The following SCAMP4 variants were observed in gnomAD, a reference collection of about 807,000 sequenced individuals.
The protein encoded by SCAMP4 is secretory carrier membrane protein 4.
A neutral mutation model predicts 32.1 loss-of-function variants in SCAMP4; 19 were observed. The ratio of observed to expected loss-of-function variants is 0.59; its 90% CI spans 0.41 to 0.87. The LOEUF is 0.87. SCAMP4 is among the 40% of genes least tolerant of loss of function. The probability of loss-of-function intolerance (pLI) is 0.00; values close to 1 mark genes in which losing one functional copy is unlikely to be tolerated. For synonymous variants in SCAMP4, 152 were observed against 132.7 expected, an observed-to-expected ratio of 1.15 and a Z score of -1.00; for missense variants, 302 against 309.0, an observed-to-expected ratio of 0.98 and a Z score of 0.17.
At chr19:1,922,801 G>C (rs1213429463) in intron 5 of SCAMP4, 1 of 1,149,738 alleles carries the variant, frequency 8.7e-7, no homozygotes, top group East Asian at 5.0e-5. Flanking sequence ...ATGGTGAAGG[G>C]ATAAGGTTGT....
rs891045166 is a variant in SCAMP4, at chr19:1,908,614, A to G, written c.-42+3175A>G. The G allele has an allele frequency of 4.3e-6, 2 of 470,310 alleles. No homozygotes were observed. Among genetic ancestry groups the G allele is most frequent in the African/African-American group, 4.0e-5 (2 of 50,064 alleles). 29.1% of individuals were successfully genotyped at this position (470,310 alleles called of 1,614,324 possible). ...ACCATCTGAGGCAGTACTGTCTGCTAGAAATAACTGTGAGCACACAGGTAG... is the reference window on the plus strand; with the variant it reads ...ACCATCTGAGGCAGTACTGTCTGCTGGAAATAACTGTGAGCACACAGGTAG... On this transcript the variant is annotated intron_variant, in intron 1 of 6. Coordinates refer to ENST00000316097, the MANE Select transcript of SCAMP4 (RefSeq NM_079834.4). The surrounding 1 kb of genome is among the most constrained non-coding windows in gnomAD (Gnocchi z 4.2).
chr19:1,910,372 G>C (rs961165428), intron 1 of SCAMP4, among the ~76,000 whole-genome samples: 19 of 152,212 alleles, frequency 1.2e-4, no homozygotes, highest in Admixed American at 6.5e-4. Context: ...CCCCGCTTCT[G>C]CTTCCAGGCT....
At chr19:1,919,258 C>T in intron 5 of SCAMP4, 1 of 1,318,890 alleles carries the variant, frequency 7.6e-7, no homozygotes, top group Non-Finnish European at 9.7e-7. Flanking sequence ...CTCGCCAGCG[C>T]CCAGCCAGGC....
chr19:1,908,246 T>A lies in SCAMP4; in HGVS notation c.-42+2807T>A. The A allele has an allele frequency of 7.0e-6, 2 of 285,472 alleles. No individual in the cohort carries two copies. The highest frequency in any genetic ancestry group is 2.8e-5 in the South Asian group (1 of 35,496). The allele number at this position is 285,472 out of a possible 1,614,324, so 17.7% of individuals were successfully genotyped here. On this transcript the variant is annotated intron_variant, in intron 1 of 6. Coordinates refer to ENST00000316097, the MANE Select transcript of SCAMP4 (RefSeq NM_079834.4). The surrounding 1 kb of genome is among the most constrained non-coding windows in gnomAD (Gnocchi z 4.2). The stretch of plus-strand genomic sequence containing the variant: ...GCAGCACCTGGCGCTGCCTCCGCGC[T>A]TCCTGCTCCCGGCTCCCACTGCATC...
At chr19:1,918,360 G>A (rs1018434762) in intron 4 of SCAMP4, 77 bp downstream of exon 4, 27 of 1,401,078 alleles carry the variant, frequency 1.9e-5, no homozygotes, top group African/African-American at 1.3e-4. Flanking sequence ...CAGCCCAGCT[G>A]TGAGGAGCTG....
intron 6 of SCAMP4, 61 bp downstream of exon 6, chr19:1,923,248 A>C: frequency 4.3e-6 from 6 of 1,398,626 alleles, no homozygotes; most frequent in Non-Finnish European, 5.8e-6. Flanking sequence ...TCGTCACCCA[A>C]CTGTCCCAGG....
Position 1,912,808 on chromosome 19 carries a change from G to A in SCAMP4, c.-41-2171G>A, listed in dbSNP as rs556568423. On this transcript the variant is annotated intron_variant, in intron 1 of 6. Transcript: ENST00000316097. The stretch of plus-strand genomic sequence containing the variant: ...GACCTCGTGGCGCGCGGCCAGGGCC[G>A]CGGCACCTACGACTTCAGACCCTTC... 5.5e-4 allele frequency: 863 copies of A among 1,581,240 alleles called. 10 individuals are homozygous for A. The South Asian group carries it at 9.1e-3, about 17-fold the overall frequency.
At chr19:1,912,633 G>A (rs1344431041) in intron 1 of SCAMP4, 1 of 1,438,442 alleles carries the variant, frequency 7.0e-7, no homozygotes, top group Non-Finnish European at 9.1e-7. Context: ...CATGGAGCGG[G>A]CGGTGTGGGC....
intron 5 of SCAMP4, chr19:1,921,567 CG>C: frequency 4.1e-6 from 4 of 985,434 alleles, no homozygotes; most frequent in Non-Finnish European, 4.8e-6. Flanking sequence ...CACTTGCATG[CG>C]GGGGCGTGCG....
intron 1 of SCAMP4, among the ~76,000 whole-genome samples, chr19:1,913,690 C>T (rs923326570): frequency 5.3e-5 from 8 of 152,154 alleles, no homozygotes; most frequent in Admixed American, 3.3e-4. Flanking sequence ...CACAGGGCAC[C>T]GACCCTAAGG....
At chr19:1,914,315 G>T (rs2013652394) in intron 1 of SCAMP4, among the ~76,000 whole-genome samples, 2 of 152,148 alleles carry the variant, frequency 1.3e-5, no homozygotes. Context: ...TCAGTTCCTG[G>T]GAACTGCCTC....
intron 2 of SCAMP4, among the ~76,000 whole-genome samples, chr19:1,916,513 C>T (rs1160939593): frequency 2.6e-5 from 4 of 152,166 alleles, no homozygotes; most frequent in African/African-American, 9.7e-5. Flanking sequence ...GGCTGGAGTG[C>T]AGTGGTGTGA....
At position 1,920,056 on chromosome 19, in the gene SCAMP4, C is replaced by T. The variant is rs575139963; in HGVS notation, c.395+1066C>T. On this transcript the variant is annotated intron_variant, in intron 5 of 6. Transcript: ENST00000316097. ...TGAAACTCCTAACCTCGTGATCCAC[C>T]CGCCTCGGCCTCCCAAAGTGCTGGG... The T allele has an allele frequency of 1.1e-3, 787 of 734,250 alleles. 2 individuals carry two copies. Among genetic ancestry groups the T allele is most frequent in the Non-Finnish European group, 1.2e-3 (731 of 600,840 alleles). 45.5% of individuals were successfully genotyped at this position (734,250 alleles called of 1,614,324 possible).
rs779168632 is a variant in SCAMP4 at position 1,919,009 on chromosome 19, G to A, written c.395+19G>A. ...GCGCGTGGTAAGCCTCTCTCTGATG[G>A]GCGTGGTGGCTGTGATGTGGCTCAG... On this transcript the variant is annotated intron_variant, in intron 5 of 6. Transcript: ENST00000316097. The A allele has an allele frequency of 6.3e-7, 1 of 1,588,486 alleles. No individual in the cohort carries two copies. Among genetic ancestry groups the A allele is most frequent in the African/African-American group, 1.3e-5 (1 of 74,536 alleles).
rs2013948642 is a variant in SCAMP4 at position 1,922,472 on chromosome 19, T to G, written c.396-598T>G. 3.3e-6 allele frequency: 3 copies of G among 897,306 alleles called. No homozygotes were observed. In the South Asian group the frequency reaches 1.5e-4, roughly 46 times the overall value. 55.6% of individuals were successfully genotyped at this position (897,306 alleles called of 1,614,324 possible). On this transcript the variant is annotated intron_variant, in intron 5 of 6. Coordinates refer to ENST00000316097, the MANE Select transcript of SCAMP4 (RefSeq NM_079834.4). ...CTGGTCTCCAGTTCCTGGCCTCAAG[T>G]GATCCGCCCGCCTCGGCCTCCCAAA...
At position 1,923,079 on chromosome 19, in the gene SCAMP4, G is replaced by A. The variant is rs747529467; in HGVS notation, c.405G>A (p.Leu135=). 2.1e-5 allele frequency: 32 copies of A among 1,549,302 alleles called. No homozygotes were observed. The South Asian group carries it at 3.2e-4, about 16-fold the overall frequency. The part of the protein sequence containing the change: ...GFSGWGACGW[L]SAIGFFQYSP... ...CTCTTGTCCCTTGCAGCGGCTGGCT[G>A]TCGGCAATTGGATTCTTCCAGTACA... Residue 135 remains leucine (L), a synonymous_variant, in exon 6 of 7, where the codon CTG becomes CTA. Coordinates refer to ENST00000316097, the MANE Select transcript of SCAMP4 (RefSeq NM_079834.4).
intron 1 of SCAMP4, among the ~76,000 whole-genome samples, chr19:1,909,335 C>T (rs932017230): frequency 2.6e-5 from 4 of 152,218 alleles, no homozygotes; most frequent in Non-Finnish European, 5.9e-5. Flanking sequence ...GCCTGCCTCT[C>T]TGCTGTGCTG....
At chr19:1,907,775 TG>T (rs1462645930) in intron 1 of SCAMP4, among the ~76,000 whole-genome samples, 2 of 152,046 alleles carry the variant, frequency 1.3e-5, no homozygotes, top group Non-Finnish European at 2.9e-5. Context: ...GCCTGCCTTC[TG>T]GGTGGGTGTG....
At position 1,923,054 on chromosome 19, in the gene SCAMP4, C is replaced by T. The variant is rs1281349610; in HGVS notation, c.396-16C>T. On this transcript the variant is annotated splice_polypyrimidine_tract_variant and intron_variant, in intron 5 of 6. Transcript: ENST00000316097. ...GCAGGTGTGCAGGCACCCACGCACT[C>T]TCTTGTCCCTTGCAGCGGCTGGCTG... is the stretch of plus-strand genomic sequence containing the variant. 1.9e-6 allele frequency: 3 copies of T among 1,544,532 alleles called. No individual in the cohort carries two copies. Among genetic ancestry groups the T allele is most frequent in the Non-Finnish European group, 2.6e-6 (3 of 1,143,510 alleles).
Sources: allele counts gnomAD v4.1 joint callset (sites outside exome capture counted in the v4.1 genomes callset), GRCh38; gene constraint gnomAD v4.1.1; non-coding constraint Gnocchi (gnomAD v3.1); transcripts MANE v1.5; gene names NCBI Gene and HGNC (gene_info 2026-07-23, HGNC 2026-07-21).